ZNF431: variants seen among roughly 807,000 people sequenced by gnomAD.
The protein encoded by ZNF431 is zinc finger protein 431.
In ZNF431, 34 loss-of-function variants were observed where a neutral mutation model predicts 57.0. The observed-to-expected ratio is 0.60, with a 90% CI of 0.45 to 0.79. The LOEUF is 0.79. ZNF431 is among the 30% of genes least tolerant of loss of function. The pLI is 0.00. For missense variants in ZNF431, 607 were observed against 667.1 expected, an observed-to-expected ratio of 0.91 and a Z score of 0.99; for synonymous variants, 207 against 220.3, an observed-to-expected ratio of 0.94 and a Z score of 0.54.
At chr19:21,182,189 A>G (rs1176285142) in intron 4 of ZNF431, among the ~76,000 whole-genome samples, 2 of 152,164 alleles carry the variant, frequency 1.3e-5, no homozygotes, top group East Asian at 3.9e-4. Context: ...ACTTTATGTT[A>G]TGGGAGACCA....
At chr19:21,162,751 G>A (rs1014819374) in intron 2 of ZNF431, 10 of 985,238 alleles carry the variant, frequency 1.0e-5, no homozygotes, top group Non-Finnish European at 1.1e-5. Context: ...AAACCCAAAA[G>A]CAGGTAAATG....
rs1158024138 is a variant in ZNF431, at chr19:21,167,654, G to A, written c.307G>A (p.Asp103Asn). Residue 103 changes from aspartate to asparagine, a missense_variant, in exon 4 of 5, where the codon GAT (aspartate) becomes AAT (asparagine). Physicochemically the swap from Asp to Asn is conservative, Grantham distance 23. Transcript: ENST00000311048. ...PWNMKRHEMV[D>N]EPPAMCSYFT... Reference sequence around the variant, plus strand: ...GAATATGAAGAGACATGAGATGGTGGATGAACCCCCAGGTAGGTGAGAGTG... The same window carrying A: ...GAATATGAAGAGACATGAGATGGTGAATGAACCCCCAGGTAGGTGAGAGTG... 6.4e-7 allele frequency: 1 copy of A among 1,574,084 alleles called. No individual in the cohort carries two copies. Among genetic ancestry groups the A allele is most frequent in the East Asian group, 2.3e-5 (1 of 43,366 alleles).
intron 2 of ZNF431, among the ~76,000 whole-genome samples, chr19:21,147,019 A>G (rs1266403383): frequency 6.6e-6 from 1 of 152,236 alleles, no homozygotes; most frequent in African/African-American, 2.4e-5. Flanking sequence ...ACAAAGGATC[A>G]GTGACATTTT....
Position 21,189,850 on chromosome 19 carries a change from TG to T in ZNF431, c.*5817del. 2.5e-6 allele frequency: 1 copy of T among 397,864 alleles called. No homozygotes were observed. The highest frequency in any genetic ancestry group is 4.4e-6 in the Non-Finnish European group (1 of 225,866). The allele number at this position is 397,864 out of a possible 1,614,324, so 24.6% of individuals were successfully genotyped here. The stretch of plus-strand genomic sequence containing the variant: ...CCATGTGATTGAGAATAATAGTTTT[TG>T]TTTTTTTTTTAAGGCCAGGAGTGGT... On this transcript the variant is annotated 3_prime_UTR_variant, in exon 5 of 5. Coordinates refer to ENST00000311048, the MANE Select transcript of ZNF431 (RefSeq NM_133473.4).
rs1971585715 is a variant in ZNF431, at chr19:21,195,299, ATACCTGG to A, written c.*11268_*11274del. On this transcript the variant is annotated 3_prime_UTR_variant, in exon 5 of 5. Coordinates refer to ENST00000311048, the MANE Select transcript of ZNF431 (RefSeq NM_133473.4). ...TGAATAAAATCTGCCTTAAAATTTG[ATACCTGG>A]TAACTTCTCTCTGTGAGTTTTGAAT... is the stretch of plus-strand genomic sequence containing the variant. 6.6e-6 allele frequency: 1 copy of A among 152,212 alleles called. No homozygotes were observed. Among genetic ancestry groups the A allele is most frequent in the African/African-American group, 2.4e-5 (1 of 41,466 alleles). The allele number at this position is 152,212 out of a possible 1,614,324, so 9.4% of individuals were successfully genotyped here.
chr19:21,177,694 A>G (rs1971098759), intron 4 of ZNF431, among the ~76,000 whole-genome samples: 1 of 152,108 alleles, frequency 6.6e-6, no homozygotes, highest in Admixed American at 6.6e-5. Context: ...AGGCTGAGGC[A>G]GGAGAATCGC....
intron 4 of ZNF431, among the ~76,000 whole-genome samples, chr19:21,171,519 A>G (rs1970889233): frequency 2.0e-5 from 3 of 151,938 alleles, no homozygotes; most frequent in Non-Finnish European, 2.9e-5. Context: ...CCATACGTCT[A>G]TCACGATCAG....
rs183329270 is a variant in ZNF431 at position 21,169,747 on chromosome 19, C to T, written c.319+2081C>T. 1.5e-5 allele frequency: 6 copies of T among 398,522 alleles called. No individual in the cohort carries two copies. In the East Asian group the frequency reaches 2.1e-4, roughly 14 times the overall value. The allele number at this position is 398,522 out of a possible 1,614,324, so 24.7% of individuals were successfully genotyped here. On this transcript the variant is annotated intron_variant, in intron 4 of 4. Transcript: ENST00000311048. The stretch of plus-strand genomic sequence containing the variant: ...CCTATCAGGATGTGAATGGGTTTGC[C>T]TTTCACTGAATACCAGAGAGGATTT...
At position 21,142,054 on chromosome 19, in the gene ZNF431, C is replaced by A; in HGVS notation, c.-130C>A. On this transcript the variant is annotated 5_prime_UTR_variant, in exon 1 of 5. Coordinates refer to ENST00000311048, the MANE Select transcript of ZNF431 (RefSeq NM_133473.4). ...GCGGGGCCTTTGTCTCTCGCCGCAG[C>A]CTGAGCTCCAGGTCTCCCCTTCGCT... The A allele has an allele frequency of 8.0e-7, 1 of 1,246,350 alleles. No individual in the cohort carries two copies. The highest frequency in any genetic ancestry group is 1.2e-6 in the Non-Finnish European group (1 of 868,240). 77.2% of individuals were successfully genotyped at this position (1,246,350 alleles called of 1,614,324 possible).
In ZNF431 at chr19:21,193,141, A is replaced by G. The variant is rs950304376; in HGVS notation, c.*9107A>G. The G allele has an allele frequency of 1.3e-5, 2 of 152,224 alleles. No homozygotes were observed. Among genetic ancestry groups the G allele is most frequent in the Non-Finnish European group, 2.9e-5 (2 of 68,038 alleles). 9.4% of individuals were successfully genotyped at this position (152,224 alleles called of 1,614,324 possible). A position where few individuals can be genotyped will look rare whatever the true frequency, so the allele number is the denominator to read the frequency against. On this transcript the variant is annotated 3_prime_UTR_variant, in exon 5 of 5. Coordinates refer to ENST00000311048, the MANE Select transcript of ZNF431 (RefSeq NM_133473.4). ...TATAAAATCACAGCCGAATTTTAAC[A>G]CATATACAGAGATGAGCTGGTATTA...
At chr19:21,148,721 A>G (rs964424494) in intron 2 of ZNF431, among the ~76,000 whole-genome samples, 37 of 152,308 alleles carry the variant, frequency 2.4e-4, no homozygotes. Context: ...AGATGTTACA[A>G]TGTTAACTCT....
Position 21,183,926 on chromosome 19 carries a change from CTG to C in ZNF431, c.1626_1627del (p.Cys542Ter). ...KIHTRQKPYNCEECDNTFNQS... is the reference protein window; with the variant it reads ...KIHTRQKPYNXEECDNTFNQS... ...TTCATACTAGACAGAAACCCTACAA[CTG>C]TGAAGAATGTGACAATACATTTAAC... is the stretch of plus-strand genomic sequence containing the variant. On this transcript the variant is annotated frameshift_variant, in exon 5 of 5. Transcript: ENST00000311048. LOFTEE classifies it high-confidence loss of function. 1 of 1,613,492 alleles carries C rather than the reference CTG, an allele frequency of 6.2e-7. No individual in the cohort carries two copies. Among genetic ancestry groups the C allele is most frequent in the Non-Finnish European group, 8.5e-7 (1 of 1,179,698 alleles).
intron 1 of ZNF431, among the ~76,000 whole-genome samples, chr19:21,143,258 G>A (rs1236708145): frequency 6.6e-6 from 1 of 152,084 alleles, no homozygotes. Flanking sequence ...AAAAATATCT[G>A]TAAATATTTC....
intron 3 of ZNF431, 113 bp from the exon 4 acceptor site, chr19:21,167,458 C>A: frequency 2.5e-6 from 2 of 785,640 alleles, no homozygotes; most frequent in Non-Finnish European, 3.4e-6. Context: ...TGCGCCCAGC[C>A]TTTGGATTAA....
intron 2 of ZNF431, among the ~76,000 whole-genome samples, chr19:21,164,046 A>C (rs1407358675): frequency 1.4e-5 from 2 of 146,266 alleles, no homozygotes; most frequent in African/African-American, 5.1e-5. Context: ...GCACCATTAC[A>C]CTCGAGCCTG....
intron 3 of ZNF431, 62 bp from the exon 4 acceptor site, chr19:21,167,509 G>C (rs1205832747): frequency 5.4e-6 from 7 of 1,286,574 alleles, no homozygotes; most frequent in Non-Finnish European, 7.3e-6. Context: ...ACTGAGCACA[G>C]TACTAGGTTA....
chr19:21,158,575 A>G (rs547766996), intron 2 of ZNF431, among the ~76,000 whole-genome samples: 2 of 152,206 alleles, frequency 1.3e-5, no homozygotes, highest in Admixed American at 1.3e-4. Context: ...GTATTCCTAG[A>G]TATTCCATTC....
At chr19:21,161,930 A>C (rs1445511098) in intron 2 of ZNF431, among the ~76,000 whole-genome samples, 4 of 152,064 alleles carry the variant, frequency 2.6e-5, no homozygotes, top group Non-Finnish European at 5.9e-5. Context: ...TTGGGATTAC[A>C]GGCGTGAGCC....
chr19:21,166,733 T>C lies in ZNF431; in HGVS notation c.223+272T>C, dbSNP rs17768510. Among the ~76,000 whole-genome samples the C allele has an allele frequency of 7.3e-3, 1,116 of 152,302 alleles. 21 individuals are homozygous for C. Among genetic ancestry groups the C allele is most frequent in the Admixed American group, 0.048 (740 of 15,292 alleles). On this transcript the variant is annotated intron_variant, in intron 3 of 4. Transcript: ENST00000311048. ...TAGTGGCATAAAATATCACTGCCCA[T>C]ATCTTAAAATCTATTTGCCATCACC...
Sources: gnomAD v4.1 joint callset for allele counts (sites outside exome capture counted in the v4.1 genomes callset) on GRCh38, gnomAD v4.1.1 for gene constraint, MANE v1.5 for transcripts, NCBI Gene and HGNC (gene_info 2026-07-23, HGNC 2026-07-21) for gene names.